CCDC141: variants seen among roughly 807,000 people sequenced by gnomAD.
CCDC141 encodes the protein coiled-coil domain containing 141.
Under a neutral mutation model 181.0 loss-of-function variants are expected in CCDC141, and 168 were observed. That is an observed-to-expected ratio of 0.93 (90% CI 0.82 to 1.05). The LOEUF is 1.05. CCDC141 is among the 50% of genes least tolerant of loss of function. The pLI is 0.00. For missense variants in CCDC141, 1,902 were observed against 1,788.5 expected (o/e 1.06, Z -1.14); for synonymous variants, 666 against 642.3 (o/e 1.04, Z -0.56).
chr2:178,898,056 G>C (rs1687496008), intron 8 of CCDC141, among the ~76,000 whole-genome samples: 1 of 152,180 alleles, frequency 6.6e-6, no homozygotes, highest in Non-Finnish European at 1.5e-5. Context: ...TTTAAGTATG[G>C]TTTGTGCTCA....
At chr2:179,033,339 A>G (rs2043052814) in intron 2 of CCDC141, among the ~76,000 whole-genome samples, 1 of 152,270 alleles carries the variant, frequency 6.6e-6, no homozygotes, top group African/African-American at 2.4e-5. Flanking sequence ...GATGATTTAA[A>G]GTATAAAGGG....
At chr2:179,045,216 T>C (rs1344231767) in intron 2 of CCDC141, among the ~76,000 whole-genome samples, 2 of 142,774 alleles carry the variant, frequency 1.4e-5, no homozygotes, top group East Asian at 4.4e-4. Flanking sequence ...CCTGTGTTCA[T>C]GTGTTCTCAT....
At chr2:178,865,638 GAA>G (rs1685811156) in intron 17 of CCDC141, 127 bp downstream of exon 17, 3 of 903,670 alleles carry the variant, frequency 3.3e-6, no homozygotes, top group Non-Finnish European at 4.6e-6. Flanking sequence ...TAAGTGAGAA[GAA>G]AGTCTCCTGA....
At chr2:179,029,172 A>AT (rs1462201281) in intron 2 of CCDC141, among the ~76,000 whole-genome samples, 2 of 151,912 alleles carry the variant, frequency 1.3e-5, no homozygotes, top group Non-Finnish European at 2.9e-5. Context: ...TTTACCCATC[A>AT]CTTCTTTTGA....
chr2:179,015,197 A>AATATCATAT (rs1256354799), intron 2 of CCDC141, among the ~76,000 whole-genome samples: 2 of 21,366 alleles, frequency 9.4e-5, no homozygotes, highest in African/African-American at 1.3e-4. Context: ...TCATCTCATA[A>AATATCATAT]ATATCATATA....
intron 8 of CCDC141, among the ~76,000 whole-genome samples, chr2:178,898,179 G>T (rs542577397): frequency 1.3e-5 from 2 of 152,246 alleles, no homozygotes; most frequent in Admixed American, 1.3e-4. Context: ...CATAAGACTG[G>T]GTTAGTTCTC....
At chr2:178,941,825 G>A (rs1243408689) in intron 6 of CCDC141, among the ~76,000 whole-genome samples, 3 of 151,134 alleles carry the variant, frequency 2.0e-5, no homozygotes, top group African/African-American at 7.3e-5. Flanking sequence ...CCAGGTATGG[G>A]GGTGTGCAGC....
chr2:178,944,701 G>A, intron 5 of CCDC141, 50 bp from the exon 6 acceptor site: 1 of 796,128 alleles, frequency 1.3e-6, no homozygotes, highest in Non-Finnish European at 1.9e-6. Flanking sequence ...ATCAGAATAA[G>A]TGAGTAAAAA....
chr2:178,928,853 G>C (rs1688999704), intron 6 of CCDC141, among the ~76,000 whole-genome samples: 1 of 152,142 alleles, frequency 6.6e-6, no homozygotes, highest in Admixed American at 6.5e-5. Flanking sequence ...GGCTAGAATA[G>C]GGTTACCAAT....
chr2:178,834,217 C>T lies in CCDC141; in HGVS notation c.4549G>A (p.Val1517Ile), dbSNP rs774449715. The T allele has an allele frequency of 1.1e-4, 173 of 1,536,116 alleles. No individual in the cohort carries two copies. Among genetic ancestry groups the T allele is most frequent in the Non-Finnish European group, 1.4e-4 (161 of 1,146,850 alleles). Residue 1517 changes from valine to isoleucine, a missense_variant, in exon 24 of 24, where the codon GTC becomes ATC. Coordinates refer to ENST00000443758, the MANE Select transcript of CCDC141 (RefSeq NM_173648.4). ...TRVNWITLCV[V>I]YVSVSLMYWL... Reference sequence around the variant, plus strand: ...TACATTAGGGACACACTAACATAGACGACACACAGGGTTATCCAGTTTACT... The same window carrying T: ...TACATTAGGGACACACTAACATAGATGACACACAGGGTTATCCAGTTTACT...
At chr2:178,998,001 G>A (rs922840236) in intron 2 of CCDC141, among the ~76,000 whole-genome samples, 5 of 152,052 alleles carry the variant, frequency 3.3e-5, no homozygotes, top group African/African-American at 1.2e-4. Context: ...AAACCATAAG[G>A]TATGGAAAGA....
intron 5 of CCDC141, among the ~76,000 whole-genome samples, chr2:178,955,491 T>C (rs1274564557): frequency 6.6e-6 from 1 of 152,170 alleles, no homozygotes; most frequent in African/African-American, 2.4e-5. Flanking sequence ...TTAAATTGTG[T>C]TATATTCAAA....
In CCDC141 at chr2:178,850,179, G is replaced by T. The variant is rs757997622; in HGVS notation, c.3245-18C>A. ...TTCCAAACCTGGGGAGGAGAAGGAT[G>T]AAACTAGTTTTAAAGGTCAAATTTT... On this transcript the variant is annotated intron_variant, in intron 20 of 23. Transcript: ENST00000443758. 7.2e-7 allele frequency: 1 copy of T among 1,394,938 alleles called. No individual in the cohort carries two copies. Among genetic ancestry groups the T allele is most frequent in the Non-Finnish European group, 1.0e-6 (1 of 985,480 alleles). The allele number at this position is 1,394,938 out of a possible 1,614,324, so 86.4% of individuals were successfully genotyped here.
chr2:178,988,322 G>T (rs1193796061), intron 2 of CCDC141, among the ~76,000 whole-genome samples: 2 of 119,358 alleles, frequency 1.7e-5, no homozygotes, highest in Admixed American at 1.0e-4. Context: ...ACTGTTGTGG[G>T]GTGGGGGGAG....
intron 5 of CCDC141, among the ~76,000 whole-genome samples, chr2:178,948,882 G>A (rs1335938261): frequency 6.6e-6 from 1 of 152,164 alleles, no homozygotes; most frequent in Non-Finnish European, 1.5e-5. Context: ...GCAGAATCAT[G>A]GGCCAAATAA....
intron 10 of CCDC141, among the ~76,000 whole-genome samples, chr2:178,885,532 T>A (rs941300383): frequency 1.3e-5 from 2 of 152,182 alleles, no homozygotes; most frequent in East Asian, 3.8e-4. Flanking sequence ...AAAGATGACC[T>A]ATCAATAGTG....
chr2:178,983,385 A>G (rs13386281), intron 2 of CCDC141, among the ~76,000 whole-genome samples: 148,339 of 152,268 alleles, frequency 0.97, 72,356 homozygotes, highest in Middle Eastern at 1. Flanking sequence ...CAGAAAAACT[A>G]GAAACTCTAA....
chr2:178,942,703 A>G (rs1689571436), intron 6 of CCDC141, among the ~76,000 whole-genome samples: 1 of 152,188 alleles, frequency 6.6e-6, no homozygotes, highest in African/African-American at 2.4e-5. Context: ...TAATTGTTAC[A>G]AATGCGCCAC....
At chr2:178,853,345 C>G in intron 20 of CCDC141, 96 bp downstream of exon 20, 3 of 1,083,508 alleles carry the variant, frequency 2.8e-6, no homozygotes, top group Non-Finnish European at 2.7e-6. Context: ...GTGCTGAGGA[C>G]CCTGAGGACT....
Sources: gnomAD v4.1 joint callset for allele counts (sites outside exome capture counted in the v4.1 genomes callset) on GRCh38, gnomAD v4.1.1 for gene constraint, MANE v1.5 for transcripts, NCBI Gene and HGNC (gene_info 2026-07-23, HGNC 2026-07-21) for gene names.